Variants in VWDE observed in about 807,000 individuals in gnomAD.
The protein encoded by VWDE is von Willebrand factor D and EGF domains.
Under a neutral mutation model 178.4 loss-of-function variants are expected in VWDE, and 207 were observed. The ratio of observed to expected loss-of-function variants is 1.16; its 90% CI spans 1.04 to 1.30. VWDE has a LOEUF of 1.30. VWDE is among the 50% of genes most tolerant of loss of function. The probability of loss-of-function intolerance (pLI) is 0.00; values close to 1 mark genes in which losing one functional copy is unlikely to be tolerated. For synonymous variants in VWDE, 738 were observed against 651.4 expected (o/e 1.13, Z -2.02); for missense variants, 2,287 against 1,901.3 (o/e 1.20, Z -3.77).
At position 12,339,704 on chromosome 7, in the gene VWDE, C is replaced by T. The variant is rs565759635; in HGVS notation, c.4366+618G>A. Reference sequence around the variant, plus strand: ...ATCTACTCTACATTTTTAATAAACTCGAAAATATGAAGATGTAGAAAATAC... The same window carrying T: ...ATCTACTCTACATTTTTAATAAACTTGAAAATATGAAGATGTAGAAAATAC... On this transcript the variant is annotated intron_variant, in intron 24 of 28. Coordinates refer to ENST00000275358, the MANE Select transcript of VWDE (RefSeq NM_001135924.3). Among the ~76,000 whole-genome samples the T allele has an allele frequency of 7.2e-5, 11 of 152,090 alleles. No individual in the cohort carries two copies. In the East Asian group the frequency reaches 1.7e-3, roughly 24 times the overall value.
Position 12,393,714 on chromosome 7 carries a change from G to A in VWDE, c.123C>T (p.Asp41=). Reference sequence around the variant, plus strand: ...CAGCTGACTGCTGGAGGTGCCATGAGTCAAAACGGACACTTCTATAAGGAC... The same window carrying A: ...CAGCTGACTGCTGGAGGTGCCATGAATCAAAACGGACACTTCTATAAGGAC... ...LRSPYRSVRF[D]SWHLQQSAVQ... Residue 41 remains aspartate, a synonymous_variant, in exon 2 of 29, where the codon GAC becomes GAT. Transcript: ENST00000275358. 6.4e-7 allele frequency: 1 copy of A among 1,551,250 alleles called. No individual in the cohort carries two copies. Among genetic ancestry groups the A allele is most frequent in the Non-Finnish European group, 8.7e-7 (1 of 1,146,716 alleles).
At chr7:12,401,026 A>C (rs1224398220) in intron 1 of VWDE, among the ~76,000 whole-genome samples, 1 of 152,178 alleles carries the variant, frequency 6.6e-6, no homozygotes, top group Non-Finnish European at 1.5e-5. Flanking sequence ...CATGATAAAA[A>C]CACTCAACAA....
In VWDE at chr7:12,373,252, C is replaced by A. The variant is rs1356754381; in HGVS notation, c.1317-5G>T. 9 of 1,548,714 alleles carry A rather than the reference C, an allele frequency of 5.8e-6. No individual in the cohort carries two copies. The highest frequency in any genetic ancestry group is 4.4e-6 in the Non-Finnish European group (5 of 1,146,230). On this transcript the variant is annotated splice_polypyrimidine_tract_variant and splice_region_variant and intron_variant, in intron 9 of 28. Transcript: ENST00000275358. ...GTCTTGAAATTATCATATACCCTAT[C>A]ATTAACAAAAGGCAATTGCATTAAA... is the stretch of plus-strand genomic sequence containing the variant.
At position 12,387,568 on chromosome 7, in the gene VWDE, TAC is replaced by T. The variant is rs941266988; in HGVS notation, c.475+1557_475+1558del. On this transcript the variant is annotated intron_variant, in intron 3 of 28. Transcript: ENST00000275358. ...ACATATTTATGTATATTTATGTGTATACACACACACACACATATATATATAAA... is the reference window on the plus strand; with the variant it reads ...ACATATTTATGTATATTTATGTGTATACACACACACACATATATATATAAA... Among the ~76,000 whole-genome samples, 157 of 151,460 alleles carry T rather than the reference TAC, an allele frequency of 1.0e-3. 1 individual carries two copies. The highest frequency in any genetic ancestry group is 3.0e-3 in the African/African-American group (124 of 41,374).
Position 12,392,808 on chromosome 7 carries a change from C to CAAAA in VWDE, c.243+782_243+785dup, listed in dbSNP as rs201563504. 6.0e-4 allele frequency among the ~76,000 whole-genome samples: 79 copies of CAAAA among 132,166 alleles called. 3 individuals are homozygous for CAAAA. The highest frequency in any genetic ancestry group is 9.3e-4 in the Non-Finnish European group (56 of 59,928). 86.7% of individuals were successfully genotyped at this position (132,166 alleles called of 152,430 possible). A position where few individuals can be genotyped will look rare whatever the true frequency, so the allele number is the denominator to read the frequency against. ...GTGAACGTTACGTAAAGTTAAGTTG[C>CAAAA]AAAAAAAAAAAAAACACATCCGATG... On this transcript the variant is annotated intron_variant, in intron 2 of 28. Transcript: ENST00000275358.
intron 16 of VWDE, 73 bp from the exon 17 acceptor site, chr7:12,357,588 C>T: frequency 6.8e-7 from 1 of 1,466,540 alleles, no homozygotes; most frequent in Non-Finnish European, 9.1e-7. Context: ...AGAGCTCCCA[C>T]AGAGATATGC....
In VWDE at chr7:12,332,185, G is replaced by A. The variant is rs757280766; in HGVS notation, c.4759-988C>T. ...GGAGACAAAGAAATATCGAAAGCAA[G>A]TAAAGAAAAAAAAGACACCAGTGAT... is the stretch of plus-strand genomic sequence containing the variant. On this transcript the variant is annotated intron_variant, in intron 28 of 28. Coordinates refer to ENST00000275358, the MANE Select transcript of VWDE (RefSeq NM_001135924.3). Among the ~76,000 whole-genome samples, 100 of 80,350 alleles carry A rather than the reference G, an allele frequency of 1.2e-3. 1 individual carries two copies. The highest frequency in any genetic ancestry group is 1.7e-3 in the Non-Finnish European group (77 of 45,106). 52.7% of individuals were successfully genotyped at this position (80,350 alleles called of 152,430 possible).
At chr7:12,378,678 A>G (rs573898499) in intron 6 of VWDE, among the ~76,000 whole-genome samples, 4 of 152,220 alleles carry the variant, frequency 2.6e-5, no homozygotes, top group African/African-American at 9.6e-5. Flanking sequence ...TGTGTTCTCA[A>G]AGCTTGACCT....
At chr7:12,357,846 ACT>A (rs144934586) in intron 16 of VWDE, among the ~76,000 whole-genome samples, 6 of 147,284 alleles carry the variant, frequency 4.1e-5, no homozygotes, top group Non-Finnish European at 3.0e-5. Context: ...CTGCCTCACT[ACT>A]CTCTCTCTCT....
chr7:12,398,646 G>A (rs1266436192), intron 1 of VWDE, among the ~76,000 whole-genome samples: 1 of 152,100 alleles, frequency 6.6e-6, no homozygotes, highest in Non-Finnish European at 1.5e-5. Context: ...TTGGCTTTTT[G>A]TGCAGGATGT....
chr7:12,369,647 C>A lies in VWDE; in HGVS notation c.2659G>T (p.Val887Leu), dbSNP rs1272443930. 1.3e-6 allele frequency: 2 copies of A among 1,551,622 alleles called. No homozygotes were observed. Among genetic ancestry groups the A allele is most frequent in the African/African-American group, 2.7e-5 (2 of 73,128 alleles). The change falls in exon 12 of 29, where the codon GTA becomes TTA. Residue 887 changes from valine (V) to leucine (L), a missense_variant. Val to Leu is a conservative substitution (Grantham distance 32). Coordinates refer to ENST00000275358, the MANE Select transcript of VWDE (RefSeq NM_001135924.3). Reference sequence around the variant, plus strand: ...CTGCATAAATTGGGGCATTTTAATACTGAGAGAATGTCTTCAATTGATGTG... The same window carrying A: ...CTGCATAAATTGGGGCATTTTAATAATGAGAGAATGTCTTCAATTGATGTG... ...YGTSIEDILS[V>L]LKCPNLCSGN...
At chr7:12,384,869 G>A (rs1473089541) in intron 3 of VWDE, among the ~76,000 whole-genome samples, 1 of 152,076 alleles carries the variant, frequency 6.6e-6, no homozygotes, top group Non-Finnish European at 1.5e-5. Context: ...TAAACTAAAA[G>A]ACACGAAGTT....
intron 1 of VWDE, 106 bp downstream of exon 1, chr7:12,403,553 A>G: frequency 2.7e-6 from 3 of 1,131,364 alleles, no homozygotes; most frequent in Non-Finnish European, 3.6e-6. Context: ...GCTGCCTTAA[A>G]ACGCACAGGG....
chr7:12,360,039 T>TA (rs1158847572), intron 15 of VWDE, among the ~76,000 whole-genome samples: 1 of 152,206 alleles, frequency 6.6e-6, no homozygotes, highest in East Asian at 1.9e-4. Flanking sequence ...ACCAACTTCT[T>TA]TTTTTTCCTC....
chr7:12,383,400 T>C, intron 4 of VWDE, 136 bp downstream of exon 4: 3 of 713,708 alleles, frequency 4.2e-6, no homozygotes, highest in Non-Finnish European at 6.8e-6. Context: ...AAGTTATTTT[T>C]ATTTTTGATA....
chr7:12,351,596 T>G lies in VWDE; in HGVS notation c.3863A>C (p.Lys1288Thr), dbSNP rs1273869606. The G allele has an allele frequency of 6.5e-7, 1 of 1,549,688 alleles. No homozygotes were observed. The highest frequency in any genetic ancestry group is 2.5e-5 in the East Asian group (1 of 40,816). Residue 1288 changes from lysine to threonine, a missense_variant, in exon 19 of 29, where the codon AAG becomes ACG. Transcript: ENST00000275358. The stretch of plus-strand genomic sequence containing the variant: ...ACTGAAGGCATTTCCACTTGTTGGC[T>G]TAACATGCCTCTTTCTCCCTTGGGC... The part of the protein sequence containing the change: ...KNAQGRKRHV[K>T]PTSGNAFTIC...
At chr7:12,360,748 T>TCA (rs1782532045) in intron 15 of VWDE, among the ~76,000 whole-genome samples, 1 of 152,138 alleles carries the variant, frequency 6.6e-6, no homozygotes, top group African/African-American at 2.4e-5. Context: ...TGCCAGGAAA[T>TCA]ACTCCCCATA....
chr7:12,356,178 AG>A lies in VWDE; in HGVS notation c.3677del (p.Pro1226LeufsTer29). On this transcript the variant is annotated frameshift_variant, in exon 18 of 29. Coordinates refer to ENST00000275358, the MANE Select transcript of VWDE (RefSeq NM_001135924.3). LOFTEE classifies it high-confidence loss of function. Reference protein sequence around the residue: ...EVDISGCQSNPCGLGSYISGF... With the variant: ...EVDISGCQSNXCGLGSYISGF... The stretch of plus-strand genomic sequence containing the variant: ...CACTAATATAGCTGCCAAGACCACA[AG>A]GGTTGGATTGGCACCCACTAATGTC... 1 of 1,551,516 alleles carries A rather than the reference AG, an allele frequency of 6.4e-7. No individual in the cohort carries two copies. Among genetic ancestry groups the A allele is most frequent in the South Asian group, 1.2e-5 (1 of 84,060 alleles).
At chr7:12,341,768 G>A (rs1420980591) in intron 23 of VWDE, among the ~76,000 whole-genome samples, 3 of 152,246 alleles carry the variant, frequency 2.0e-5, no homozygotes, top group Non-Finnish European at 4.4e-5. Flanking sequence ...AAACCTAGAA[G>A]ATTCAACACG....
Sources: gnomAD v4.1 joint callset for allele counts (sites outside exome capture counted in the v4.1 genomes callset) on GRCh38, gnomAD v4.1.1 for gene constraint, MANE v1.5 for transcripts, NCBI Gene and HGNC (gene_info 2026-07-23, HGNC 2026-07-21) for gene names.